ATP9B: variants seen among roughly 807,000 people sequenced by gnomAD.
The protein encoded by ATP9B is probable phospholipid-transporting ATPase IIB.
In ATP9B, 110 loss-of-function variants were observed where a neutral mutation model predicts 146.1. The ratio of observed to expected loss-of-function variants is 0.75; its 90% CI spans 0.65 to 0.88. The LOEUF is 0.88. Ranked by LOEUF, ATP9B falls within the 40% of genes least tolerant of loss-of-function variation. The pLI is 0.00. For synonymous variants in ATP9B, 604 were observed against 569.7 expected, an observed-to-expected ratio of 1.06 and a Z score of -0.86; for missense variants, 1,499 against 1,496.4, an observed-to-expected ratio of 1.00 and a Z score of -0.03.
intron 27 of ATP9B, 59 bp from the exon 28 acceptor site, chr18:79,373,839 T>A: frequency 6.3e-7 from 1 of 1,582,636 alleles, no homozygotes; most frequent in Non-Finnish European, 8.7e-7. Flanking sequence ...CAAGGCTGTT[T>A]CCTCTAGCTG....
chr18:79,327,453 CCCATGGTTAGCGTGTTCT>C (rs1256408818), intron 15 of ATP9B, among the ~76,000 whole-genome samples: 1 of 143,506 alleles, frequency 7.0e-6, no homozygotes, highest in Non-Finnish European at 1.5e-5. Context: ...TAGTGTGCTC[CCCATGGTTAGCGTGTTCT>C]CCGTGGTTAG....
chr18:79,282,361 T>C (rs927911269), intron 13 of ATP9B, among the ~76,000 whole-genome samples: 2 of 152,126 alleles, frequency 1.3e-5, no homozygotes, highest in African/African-American at 4.8e-5. Flanking sequence ...CGGAGAAATA[T>C]TTTGTGAAAG....
At chr18:79,341,241 A>G (rs981117128) in intron 19 of ATP9B, among the ~76,000 whole-genome samples, 4 of 148,462 alleles carry the variant, frequency 2.7e-5, no homozygotes, top group Non-Finnish European at 5.9e-5. Flanking sequence ...CACACCATTT[A>G]GTTGTGGTTG....
intron 13 of ATP9B, among the ~76,000 whole-genome samples, chr18:79,290,148 G>C (rs1242272693): frequency 2.0e-5 from 3 of 152,212 alleles, no homozygotes; most frequent in East Asian, 1.9e-4. Context: ...CTTCAAAGCT[G>C]TCAGACAGGG....
intron 27 of ATP9B, among the ~76,000 whole-genome samples, chr18:79,373,349 C>T (rs866318221): frequency 2.6e-5 from 4 of 152,134 alleles, no homozygotes; most frequent in Non-Finnish European, 5.9e-5. Flanking sequence ...GGTGTGGCTT[C>T]GTATCCAGAG....
rs1385225439 is a variant in ATP9B at position 79,378,265 on chromosome 18, T to G, written c.*882T>G. ...CGCTTTTCAGTAAAAACAGTCAAGT[T>G]ACTGAGTTCTCACATAAAGAGCTCT... is the stretch of plus-strand genomic sequence containing the variant. On this transcript the variant is annotated 3_prime_UTR_variant, in exon 30 of 30. Coordinates refer to ENST00000426216, the MANE Select transcript of ATP9B (RefSeq NM_198531.5). 3 of 152,270 alleles carry G rather than the reference T, an allele frequency of 2.0e-5. No homozygotes were observed. Among genetic ancestry groups the G allele is most frequent in the Non-Finnish European group, 4.4e-5 (3 of 68,056 alleles). 9.4% of individuals were successfully genotyped at this position (152,270 alleles called of 1,614,324 possible).
At chr18:79,302,160 A>G (rs992488707) in intron 13 of ATP9B, among the ~76,000 whole-genome samples, 2 of 152,230 alleles carry the variant, frequency 1.3e-5, no homozygotes, top group Admixed American at 6.5e-5. Flanking sequence ...ATTGCAGTCA[A>G]TTGCAATTTT....
At chr18:79,120,895 G>C (rs1023759599) in intron 4 of ATP9B, among the ~76,000 whole-genome samples, 14 of 152,114 alleles carry the variant, frequency 9.2e-5, no homozygotes, top group African/African-American at 3.4e-4. Context: ...CTTTTCTCGT[G>C]TGCGTGTCTC....
Position 79,376,214 on chromosome 18 carries a change from C to CACACACACAAAA in ATP9B, c.3307+789_3307+790insCACACACAAAAA. On this transcript the variant is annotated intron_variant, in intron 29 of 29. Coordinates refer to ENST00000426216, the MANE Select transcript of ATP9B (RefSeq NM_198531.5). ...ACACACACACACACACACACACACACAAAACAAAACAAAAAAATGGCTAGC... is the reference window on the plus strand; with the variant it reads ...ACACACACACACACACACACACACACACACACACAAAAAAAACAAAACAAAAAAATGGCTAGC... 7,820 of 852,966 alleles carry CACACACACAAAA rather than the reference C, an allele frequency of 9.2e-3. 291 individuals are homozygous for CACACACACAAAA. Among genetic ancestry groups the CACACACACAAAA allele is most frequent in the East Asian group, 0.015 (113 of 7,480 alleles). 52.8% of individuals were successfully genotyped at this position (852,966 alleles called of 1,614,324 possible).
chr18:79,308,403 G>A (rs368335416), intron 15 of ATP9B, among the ~76,000 whole-genome samples: 1 of 152,214 alleles, frequency 6.6e-6, no homozygotes, highest in Non-Finnish European at 1.5e-5. Flanking sequence ...ATGTCTATCA[G>A]CTATCAAACA....
At chr18:79,295,351 T>A (rs2096540447) in intron 13 of ATP9B, among the ~76,000 whole-genome samples, 1 of 152,228 alleles carries the variant, frequency 6.6e-6, no homozygotes, top group Non-Finnish European at 1.5e-5. Flanking sequence ...ATTGATTTCC[T>A]CTAAGAAAAC....
intron 7 of ATP9B, among the ~76,000 whole-genome samples, chr18:79,176,460 G>A (rs970641830): frequency 1.3e-5 from 2 of 152,040 alleles, no homozygotes; most frequent in Non-Finnish European, 2.9e-5. Context: ...ATATTTTTGT[G>A]TATTTGTTAT....
intron 15 of ATP9B, among the ~76,000 whole-genome samples, chr18:79,307,945 T>G (rs1438230670): frequency 6.6e-6 from 1 of 152,174 alleles, no homozygotes; most frequent in African/African-American, 2.4e-5. Flanking sequence ...TTCCGATACT[T>G]TGTAAAACTG....
At chr18:79,279,077 G>A (rs2096346966) in intron 13 of ATP9B, among the ~76,000 whole-genome samples, 1 of 152,204 alleles carries the variant, frequency 6.6e-6, no homozygotes, top group Admixed American at 6.5e-5. Flanking sequence ...GGTGTGTGGG[G>A]TGGCACGGGA....
intron 11 of ATP9B, among the ~76,000 whole-genome samples, chr18:79,245,271 A>G (rs1471154781): frequency 6.6e-6 from 1 of 152,352 alleles, no homozygotes; most frequent in Non-Finnish European, 1.5e-5. Flanking sequence ...TAAACTGTGT[A>G]TTAGACTGAA....
intron 9 of ATP9B, among the ~76,000 whole-genome samples, chr18:79,194,917 G>T (rs1232615370): frequency 6.6e-6 from 1 of 152,194 alleles, no homozygotes; most frequent in South Asian, 2.1e-4. Flanking sequence ...AATGACTTGG[G>T]TAAGTAAAGC....
intron 12 of ATP9B, among the ~76,000 whole-genome samples, chr18:79,271,166 A>G (rs999766321): frequency 6.6e-6 from 1 of 152,216 alleles, no homozygotes; most frequent in African/African-American, 2.4e-5. Flanking sequence ...ACTCAGAAAC[A>G]TTATAATGGG....
chr18:79,168,218 T>A (rs959133114), intron 7 of ATP9B, among the ~76,000 whole-genome samples: 1 of 152,060 alleles, frequency 6.6e-6, no homozygotes, highest in Non-Finnish European at 1.5e-5. Context: ...AGAAGGAGAC[T>A]TGGTGGTGGC....
chr18:79,345,294 C>T, intron 21 of ATP9B, 134 bp from the exon 22 acceptor site: 1 of 1,078,464 alleles, frequency 9.3e-7, no homozygotes, highest in Non-Finnish European at 1.3e-6. Flanking sequence ...TGAAATGATT[C>T]ACAGAAAACT....
Sources: allele counts gnomAD v4.1 joint callset (sites outside exome capture counted in the v4.1 genomes callset), GRCh38; gene constraint gnomAD v4.1.1; transcripts MANE v1.5; gene names NCBI Gene and HGNC (gene_info 2026-07-23, HGNC 2026-07-21).